Variants in CNTN4 observed in about 807,000 individuals in gnomAD.
The protein encoded by CNTN4 is contactin 4, also known as contactin-4.
In CNTN4, 77 loss-of-function variants were observed where a neutral mutation model predicts 122.5. The observed-to-expected ratio is 0.63, with a 90% CI of 0.52 to 0.76. CNTN4 has a LOEUF of 0.76. CNTN4 is among the 30% of genes least tolerant of loss of function. CNTN4 has a pLI of 0.00. For synonymous variants in CNTN4, 512 were observed against 447.0 expected, an observed-to-expected ratio of 1.15 and a Z score of -1.83; for missense variants, 1,256 against 1,259.1, an observed-to-expected ratio of 1.00 and a Z score of 0.04.
chr3:2,713,696 G>T (rs2087295505), intron 4 of CNTN4, among the ~76,000 whole-genome samples: 1 of 152,086 alleles, frequency 6.6e-6, no homozygotes, highest in Non-Finnish European at 1.5e-5. Flanking sequence ...CATATTTTGG[G>T]GTAGCGTGTC....
At chr3:2,380,268 C>T (rs1026535520) in intron 3 of CNTN4, among the ~76,000 whole-genome samples, 4 of 152,094 alleles carry the variant, frequency 2.6e-5, no homozygotes, top group East Asian at 3.9e-4. Flanking sequence ...ATATTGGCAG[C>T]GTATCTCAGC....
chr3:2,550,925 G>A (rs2078474080), intron 3 of CNTN4, among the ~76,000 whole-genome samples: 1 of 152,056 alleles, frequency 6.6e-6, no homozygotes, highest in Non-Finnish European at 1.5e-5. Context: ...ACAGGGAGGG[G>A]AACATCATAC....
chr3:2,439,428 A>C (rs1230818897), intron 3 of CNTN4, among the ~76,000 whole-genome samples: 1 of 152,144 alleles, frequency 6.6e-6, no homozygotes, highest in Non-Finnish European at 1.5e-5. Flanking sequence ...ACTTGGTATC[A>C]TAATAATATG....
intron 3 of CNTN4, among the ~76,000 whole-genome samples, chr3:2,460,069 G>A (rs531539146): frequency 1.3e-5 from 2 of 151,988 alleles, no homozygotes; most frequent in African/African-American, 4.8e-5. Flanking sequence ...GCTGAGTTAC[G>A]GTCACATTTC....
intron 2 of CNTN4, among the ~76,000 whole-genome samples, chr3:2,239,861 C>G (rs2039862706): frequency 6.6e-6 from 1 of 152,180 alleles, no homozygotes; most frequent in Non-Finnish European, 1.5e-5. Context: ...GAAGGCTCGT[C>G]TGTACCCTTT....
chr3:3,039,037 G>T (rs368006049), intron 19 of CNTN4, 34 bp downstream of exon 19: 2 of 1,523,902 alleles, frequency 1.3e-6, no homozygotes, highest in Non-Finnish European at 9.1e-7. Flanking sequence ...GAACGTACAC[G>T]CATCGAAGCT....
intron 3 of CNTN4, among the ~76,000 whole-genome samples, chr3:2,361,063 G>T (rs544401028): frequency 6.6e-6 from 1 of 152,136 alleles, no homozygotes; most frequent in Non-Finnish European, 1.5e-5. Flanking sequence ...CATAAAGTAA[G>T]TAAGGAAGTG....
intron 2 of CNTN4, among the ~76,000 whole-genome samples, chr3:2,310,967 A>G (rs1170778620): frequency 1.3e-5 from 2 of 152,144 alleles, no homozygotes; most frequent in South Asian, 2.1e-4. Flanking sequence ...ATAAACAAAA[A>G]GACTCCCTTG....
intron 2 of CNTN4, among the ~76,000 whole-genome samples, chr3:2,240,196 G>A (rs935902355): frequency 3.3e-5 from 5 of 152,010 alleles, no homozygotes; most frequent in Non-Finnish European, 7.4e-5. Context: ...CCTTTACTCT[G>A]GCCATTTAAA....
intron 4 of CNTN4, among the ~76,000 whole-genome samples, chr3:2,695,829 C>A (rs1366873232): frequency 6.6e-6 from 1 of 151,920 alleles, no homozygotes; most frequent in African/African-American, 2.4e-5. Context: ...AGAGTTGAGT[C>A]TGAAATTATG....
chr3:3,049,251 T>G (rs1701012272), intron 23 of CNTN4, among the ~76,000 whole-genome samples: 1 of 151,980 alleles, frequency 6.6e-6, no homozygotes, highest in Non-Finnish European at 1.5e-5. Context: ...ACTGGCTGAT[T>G]TTTGTATTTT....
intron 4 of CNTN4, among the ~76,000 whole-genome samples, chr3:2,606,347 G>A (rs570652182): frequency 1.3e-5 from 2 of 152,098 alleles, no homozygotes; most frequent in Non-Finnish European, 1.5e-5. Context: ...GGCAGGGGTC[G>A]AGGGGGAGGG....
chr3:2,446,353 A>ACTAG (rs34636863), intron 3 of CNTN4, among the ~76,000 whole-genome samples: 2 of 151,434 alleles, frequency 1.3e-5, no homozygotes, highest in Admixed American at 1.3e-4. Flanking sequence ...GCCATGCCAC[A>ACTAG]TGCAAAGATA....
chr3:2,998,660 T>A (rs1283221711), intron 14 of CNTN4, among the ~76,000 whole-genome samples: 1 of 150,784 alleles, frequency 6.6e-6, no homozygotes, highest in Non-Finnish European at 1.5e-5. Context: ...AAAAAAAAAG[T>A]CAAGGTAATC....
At chr3:2,846,974 C>T (rs891338920) in intron 7 of CNTN4, among the ~76,000 whole-genome samples, 1 of 152,052 alleles carries the variant, frequency 6.6e-6, no homozygotes, top group Non-Finnish European at 1.5e-5. Flanking sequence ...GCCTGGGGAA[C>T]AAGAGTGAAA....
rs184201624 is a variant in CNTN4, at chr3:2,571,316, C to T, written c.-88-100C>T. 222 of 627,642 alleles carry T rather than the reference C, an allele frequency of 3.5e-4. 1 individual carries two copies. The East Asian group carries it at 4.8e-3, about 13-fold the overall frequency. 38.9% of individuals were successfully genotyped at this position (627,642 alleles called of 1,614,324 possible). On this transcript the variant is annotated intron_variant, in intron 3 of 24. Transcript: ENST00000418658. Reference sequence around the variant, plus strand: ...TTCTTCCCCTCCAATGGTACTTTCCCACAAGTGAGTTTTATTGATATTTGA... The same window carrying T: ...TTCTTCCCCTCCAATGGTACTTTCCTACAAGTGAGTTTTATTGATATTTGA...
intron 12 of CNTN4, among the ~76,000 whole-genome samples, chr3:2,907,801 T>C (rs946148313): frequency 3.3e-5 from 5 of 152,198 alleles, no homozygotes; most frequent in African/African-American, 9.7e-5. Flanking sequence ...TTAATGTGTA[T>C]GTAACATGTC....
chr3:2,610,468 C>T (rs2081432817), intron 4 of CNTN4, among the ~76,000 whole-genome samples: 1 of 152,216 alleles, frequency 6.6e-6, no homozygotes, highest in Admixed American at 6.5e-5. Flanking sequence ...GACATCTCTT[C>T]ATCTCTTCTT....
intron 3 of CNTN4, among the ~76,000 whole-genome samples, chr3:2,498,108 TA>T (rs1178529048): frequency 6.6e-6 from 1 of 152,246 alleles, no homozygotes; most frequent in East Asian, 1.9e-4. Flanking sequence ...TATTACTACT[TA>T]ATTTCATCTT....
Sources: gnomAD v4.1 joint callset for allele counts (sites outside exome capture counted in the v4.1 genomes callset) on GRCh38, gnomAD v4.1.1 for gene constraint, MANE v1.5 for transcripts, NCBI Gene and HGNC (gene_info 2026-07-23, HGNC 2026-07-21) for gene names.